Variants in SLC8A1 observed in about 807,000 individuals in gnomAD.
SLC8A1 encodes sodium/calcium exchanger 1.
Under a neutral mutation model 68.3 loss-of-function variants are expected in SLC8A1, and 18 were observed. That is an observed-to-expected ratio of 0.26 (90% CI 0.18 to 0.39). The LOEUF (loss-of-function observed/expected upper bound fraction) is 0.39, where lower values mean the gene tolerates loss of function less well. Among genes scored for constraint, SLC8A1 ranks in the 10% least tolerant of loss-of-function variants. SLC8A1 has a pLI of 1.00. For synonymous variants in SLC8A1, 475 were observed against 415.5 expected, an observed-to-expected ratio of 1.14 and a Z score of -1.74; for missense variants, 985 against 1,156.7, an observed-to-expected ratio of 0.85 and a Z score of 2.15.
chr2:40,312,739 G>C (rs997029286), intron 2 of SLC8A1, among the ~76,000 whole-genome samples: 11 of 151,988 alleles, frequency 7.2e-5, no homozygotes, highest in African/African-American at 2.4e-4. Flanking sequence ...TTTTAGATTT[G>C]GAACCATGGT....
intron 2 of SLC8A1, among the ~76,000 whole-genome samples, chr2:40,380,192 T>C (rs1681285342): frequency 6.6e-6 from 1 of 152,150 alleles, no homozygotes; most frequent in African/African-American, 2.4e-5. Flanking sequence ...TCATTTTCCA[T>C]ATGATAAAGC....
Position 40,122,962 on chromosome 2 carries a change from GA to G in SLC8A1, c.2438-7334del, listed in dbSNP as rs144542462. On this transcript the variant is annotated intron_variant, in intron 7 of 7. Transcript: ENST00000406785. Reference sequence around the variant, plus strand: ...AGAAATTTATTCTAATTAAAGGAGAGAAAAAAATGGAGGTTTATTTTTCAGG... The same window carrying G: ...AGAAATTTATTCTAATTAAAGGAGAGAAAAAATGGAGGTTTATTTTTCAGG... 7.4e-3 allele frequency among the ~76,000 whole-genome samples: 1,132 copies of G among 152,134 alleles called. 8 individuals carry two copies. Among genetic ancestry groups the G allele is most frequent in the African/African-American group, 0.025 (1,053 of 41,532 alleles).
intron 2 of SLC8A1, among the ~76,000 whole-genome samples, chr2:40,420,184 G>T (rs980099607): frequency 2.0e-5 from 3 of 152,016 alleles, no homozygotes; most frequent in African/African-American, 7.2e-5. Context: ...TTTATAAGAT[G>T]AACTGCCATG....
At chr2:40,175,502 G>A (rs966133487) in intron 3 of SLC8A1, among the ~76,000 whole-genome samples, 4 of 113,420 alleles carry the variant, frequency 3.5e-5, no homozygotes, top group South Asian at 2.7e-4. Flanking sequence ...GAATACATAC[G>A]TATATGTGTG....
intron 2 of SLC8A1, among the ~76,000 whole-genome samples, chr2:40,348,554 T>A (rs1324475893): frequency 2.0e-5 from 3 of 152,196 alleles, no homozygotes; most frequent in Admixed American, 2.0e-4. Context: ...ATATAATGCA[T>A]TTTATCAGCA....
intron 4 of SLC8A1, 97 bp downstream of exon 6, chr2:40,174,609 A>T (rs564253054): frequency 3.6e-4 from 397 of 1,114,938 alleles, no homozygotes; most frequent in Middle Eastern, 1.5e-3. Flanking sequence ...CATGTGCCAC[A>T]GTTAAATATT....
intron 6 of SLC8A1, among the ~76,000 whole-genome samples, chr2:40,149,627 G>C (rs1168166227): frequency 6.6e-6 from 1 of 152,188 alleles, no homozygotes; most frequent in Non-Finnish European, 1.5e-5. Flanking sequence ...ATGGAAAGAG[G>C]ATTGACTTGG....
At chr2:40,366,630 G>T (rs1676289669) in intron 2 of SLC8A1, among the ~76,000 whole-genome samples, 1 of 151,970 alleles carries the variant, frequency 6.6e-6, no homozygotes, top group African/African-American at 2.4e-5. Flanking sequence ...CTCGCTCAAG[G>T]TCATTTAGAT....
At chr2:40,216,647 T>C (rs944196144) in intron 2 of SLC8A1, among the ~76,000 whole-genome samples, 3 of 152,042 alleles carry the variant, frequency 2.0e-5, no homozygotes, top group African/African-American at 7.2e-5. Context: ...TATTTCTCCA[T>C]TGTGTCGCCA....
At chr2:40,115,399 G>C in exon 8 of SLC8A1, 1 of 1,614,176 alleles carries the variant, frequency 6.2e-7, no homozygotes, top group Non-Finnish European at 8.5e-7. Flanking sequence ...CGCCGATACA[G>C]CAGCACCCCC....
upstream of SLC8A1, among the ~76,000 whole-genome samples, chr2:40,456,223 G>A (rs917763239): frequency 6.6e-5 from 10 of 151,136 alleles, no homozygotes; most frequent in African/African-American, 2.4e-4. Flanking sequence ...GGCTGAGGCA[G>A]GAGAATGGCG....
At chr2:40,275,513 G>A (rs1445424835) in intron 2 of SLC8A1, among the ~76,000 whole-genome samples, 1 of 152,210 alleles carries the variant, frequency 6.6e-6, no homozygotes, top group Non-Finnish European at 1.5e-5. Context: ...GGTAGAGCCT[G>A]CGCTCATCAC....
intron 2 of SLC8A1, among the ~76,000 whole-genome samples, chr2:40,349,700 T>C (rs987933825): frequency 2.6e-5 from 4 of 152,182 alleles, no homozygotes; most frequent in African/African-American, 2.4e-5. Context: ...AGCTGTGGCC[T>C]ACTTAAGATG....
intron 2 of SLC8A1, among the ~76,000 whole-genome samples, chr2:40,329,947 TA>T (rs1246154815): frequency 6.6e-6 from 1 of 151,950 alleles, no homozygotes; most frequent in Non-Finnish European, 1.5e-5. Flanking sequence ...AAGTACTATG[TA>T]ATAAAAAGGG....
At chr2:40,472,983 A>C (rs1050315093) in intron 1 of SLC8A1, among the ~76,000 whole-genome samples, 2 of 149,362 alleles carry the variant, frequency 1.3e-5, no homozygotes, top group Non-Finnish European at 3.0e-5. Flanking sequence ...TAATACATAC[A>C]GGAGGCAGAT....
At chr2:40,228,029 G>A (rs754395899) in intron 2 of SLC8A1, among the ~76,000 whole-genome samples, 2 of 152,108 alleles carry the variant, frequency 1.3e-5, no homozygotes, top group Non-Finnish European at 2.9e-5. Context: ...TATTCATAAC[G>A]TGGGCTTAAA....
At chr2:40,160,166 T>C (rs1179974411) in intron 6 of SLC8A1, among the ~76,000 whole-genome samples, 1 of 152,182 alleles carries the variant, frequency 6.6e-6, no homozygotes, top group Non-Finnish European at 1.5e-5. Flanking sequence ...CACCTCTCTC[T>C]CTATTTAATT....
intron 2 of SLC8A1, among the ~76,000 whole-genome samples, chr2:40,186,398 T>A (rs765017416): frequency 6.6e-6 from 1 of 152,142 alleles, no homozygotes; most frequent in East Asian, 1.9e-4. Flanking sequence ...GGTGAGTTGC[T>A]TACTGATTTG....
intron 1 of SLC8A1, among the ~76,000 whole-genome samples, chr2:40,448,366 C>G (rs530339317): frequency 7.2e-5 from 11 of 152,312 alleles, no homozygotes; most frequent in African/African-American, 2.4e-4. Context: ...CCCCATTGGA[C>G]TAGTCCTGAA....
Sources: gnomAD v4.1 joint callset for allele counts (sites outside exome capture counted in the v4.1 genomes callset) on GRCh38, gnomAD v4.1.1 for gene constraint, MANE v1.5 for transcripts, NCBI Gene and HGNC (gene_info 2026-07-23, HGNC 2026-07-21) for gene names.